Variants in DCDC1 observed in about 807,000 individuals in gnomAD.
The protein encoded by DCDC1 is doublecortin domain-containing protein 1.
In DCDC1, 200 loss-of-function variants were observed where a neutral mutation model predicts 178.3. The ratio of observed to expected loss-of-function variants is 1.12; its 90% CI spans 1.00 to 1.26. The LOEUF (loss-of-function observed/expected upper bound fraction) is 1.26. DCDC1 is among the 50% of genes most tolerant of loss of function. The pLI, the probability that DCDC1 is intolerant of heterozygous loss-of-function variation, is 0.00. For missense variants in DCDC1, 1,983 were observed against 1,749.2 expected (o/e 1.13, Z -2.38); for synonymous variants, 690 against 604.8 (o/e 1.14, Z -2.07).
At chr11:30,955,383 A>C (rs941349967) in intron 20 of DCDC1, among the ~76,000 whole-genome samples, 1 of 152,122 alleles carries the variant, frequency 6.6e-6, no homozygotes, top group African/African-American at 2.4e-5. Context: ...AGAGTTTACT[A>C]TCCTGGCTTA....
intron 36 of DCDC1, among the ~76,000 whole-genome samples, chr11:30,885,382 C>T (rs1338065370): frequency 6.6e-6 from 1 of 151,856 alleles, no homozygotes; most frequent in African/African-American, 2.4e-5. Flanking sequence ...AAATGTATTA[C>T]TTTCTATACA....
At chr11:31,197,250 A>T (rs1484727622) in intron 9 of DCDC1, among the ~76,000 whole-genome samples, 1 of 152,148 alleles carries the variant, frequency 6.6e-6, no homozygotes, top group African/African-American at 2.4e-5. Flanking sequence ...AAAAAAGTCC[A>T]TAAAATATAC....
intron 38 of DCDC1, among the ~76,000 whole-genome samples, chr11:30,872,225 A>C (rs1434695280): frequency 6.6e-6 from 1 of 151,990 alleles, no homozygotes; most frequent in Non-Finnish European, 1.5e-5. Flanking sequence ...AAACAGTCCT[A>C]GTGCCATTTT....
intron 9 of DCDC1, among the ~76,000 whole-genome samples, chr11:31,186,637 A>G (rs1969529563): frequency 6.6e-6 from 1 of 152,204 alleles, no homozygotes; most frequent in Non-Finnish European, 1.5e-5. Flanking sequence ...ATTAACAAGC[A>G]ATGGCCACCA....
intron 20 of DCDC1, among the ~76,000 whole-genome samples, chr11:31,015,410 C>G (rs1952432726): frequency 6.6e-6 from 1 of 152,056 alleles, no homozygotes; most frequent in South Asian, 2.1e-4. Context: ...CTTCGTTTTT[C>G]CTTTTATCTT....
intron 9 of DCDC1, among the ~76,000 whole-genome samples, chr11:31,232,611 C>CTTCA (rs1275471313): frequency 6.6e-6 from 1 of 152,176 alleles, no homozygotes; most frequent in African/African-American, 2.4e-5. Context: ...TCTGCCCATA[C>CTTCA]TTCAGTTAAT....
chr11:31,030,237 T>C (rs1445998067), intron 20 of DCDC1, among the ~76,000 whole-genome samples: 2 of 152,146 alleles, frequency 1.3e-5, no homozygotes, highest in African/African-American at 4.8e-5. Flanking sequence ...CTTCTTGCAA[T>C]AAGCCTCATT....
At chr11:30,912,288 T>A (rs1374029137) in intron 27 of DCDC1, among the ~76,000 whole-genome samples, 1 of 152,048 alleles carries the variant, frequency 6.6e-6, no homozygotes, top group Non-Finnish European at 1.5e-5. Flanking sequence ...TATTCTTTTT[T>A]TTTTTTCTTT....
intron 9 of DCDC1, among the ~76,000 whole-genome samples, chr11:31,233,573 C>CTA (rs1489980302): frequency 2.2e-4 from 34 of 152,306 alleles, no homozygotes; most frequent in African/African-American, 7.2e-4. Flanking sequence ...AGATGCCACA[C>CTA]TATATAGTTC....
At chr11:31,286,384 A>T (rs1422631041) in intron 7 of DCDC1, among the ~76,000 whole-genome samples, 1 of 152,054 alleles carries the variant, frequency 6.6e-6, no homozygotes, top group Non-Finnish European at 1.5e-5. Flanking sequence ...CATAGCATAT[A>T]TATATGTCAT....
chr11:30,883,535 T>C (rs1478297511), intron 36 of DCDC1: 1 of 429,006 alleles, frequency 2.3e-6, no homozygotes, highest in Non-Finnish European at 4.7e-6. Flanking sequence ...TAAGGCAAAG[T>C]TTATGAACAA....
At chr11:31,122,536 A>G (rs2135898684) in intron 11 of DCDC1, among the ~76,000 whole-genome samples, 1 of 152,266 alleles carries the variant, frequency 6.6e-6, no homozygotes, top group African/African-American at 2.4e-5. Context: ...ATAATTTGCA[A>G]ATAATAATAA....
chr11:30,905,962 G>A (rs780980035), intron 30 of DCDC1, among the ~76,000 whole-genome samples: 20 of 152,220 alleles, frequency 1.3e-4, no homozygotes, highest in Non-Finnish European at 2.6e-4. Flanking sequence ...TTTTTATTCA[G>A]GTGTGTAAGT....
intron 20 of DCDC1, among the ~76,000 whole-genome samples, chr11:30,955,256 T>A (rs982629831): frequency 6.6e-6 from 1 of 152,180 alleles, no homozygotes; most frequent in Non-Finnish European, 1.5e-5. Flanking sequence ...TGTTACTCCA[T>A]CCACTTCCAA....
At chr11:30,983,528 T>C (rs1434241456) in intron 20 of DCDC1, among the ~76,000 whole-genome samples, 1 of 152,192 alleles carries the variant, frequency 6.6e-6, no homozygotes, top group Non-Finnish European at 1.5e-5. Flanking sequence ...TTGCGATCCA[T>C]TAAAATTACA....
intron 20 of DCDC1, among the ~76,000 whole-genome samples, chr11:31,061,332 A>T (rs1336519992): frequency 6.6e-6 from 1 of 152,180 alleles, no homozygotes; most frequent in Non-Finnish European, 1.5e-5. Context: ...ACTTAATGCC[A>T]GAATATGGCA....
chr11:30,938,628 G>T (rs1304437619), intron 21 of DCDC1, among the ~76,000 whole-genome samples: 1 of 152,014 alleles, frequency 6.6e-6, no homozygotes, highest in Non-Finnish European at 1.5e-5. Flanking sequence ...GTGAGGATGG[G>T]GTTTTATTAT....
At chr11:30,870,064 A>G (rs1418951931) in intron 38 of DCDC1, among the ~76,000 whole-genome samples, 1 of 152,172 alleles carries the variant, frequency 6.6e-6, no homozygotes, top group Non-Finnish European at 1.5e-5. Context: ...TAGGGTAAGT[A>G]AACAACTTTG....
intron 9 of DCDC1, among the ~76,000 whole-genome samples, chr11:31,168,326 A>C (rs1357191585): frequency 1.3e-5 from 2 of 152,170 alleles, no homozygotes; most frequent in East Asian, 3.8e-4. Flanking sequence ...TTTGACTCCA[A>C]CAATCCATAA....
Sources: gnomAD v4.1 joint callset for allele counts (sites outside exome capture counted in the v4.1 genomes callset) on GRCh38, gnomAD v4.1.1 for gene constraint, MANE v1.5 for transcripts, NCBI Gene and HGNC (gene_info 2026-07-23, HGNC 2026-07-21) for gene names.